Variants in SLC24A2 observed in about 807,000 individuals in gnomAD.
SLC24A2 encodes the protein sodium/potassium/calcium exchanger 2.
A neutral mutation model predicts 62.0 loss-of-function variants in SLC24A2; 36 were observed. The ratio of observed to expected loss-of-function variants is 0.58; its 90% CI spans 0.44 to 0.77. The LOEUF (loss-of-function observed/expected upper bound fraction) is 0.77, where lower values mean the gene tolerates loss of function less well. Among genes scored for constraint, SLC24A2 ranks in the 30% least tolerant of loss-of-function variants. SLC24A2 has a pLI of 0.00. For missense variants in SLC24A2, 846 were observed against 817.9 expected, an observed-to-expected ratio of 1.03 and a Z score of -0.42; for synonymous variants, 358 against 294.0, an observed-to-expected ratio of 1.22 and a Z score of -2.23.
chr9:19,561,891 G>C (rs1334274691), intron 7 of SLC24A2, among the ~76,000 whole-genome samples: 1 of 152,150 alleles, frequency 6.6e-6, no homozygotes, highest in Non-Finnish European at 1.5e-5. Flanking sequence ...CTCAGTAATG[G>C]CCTCCTGAAA....
chr9:19,948,860 A>G, the SLC24A2 span, among the ~76,000 whole-genome samples: 3,851 of 150,812 alleles, frequency 0.026, 171 homozygotes, highest in African/African-American at 0.086. Flanking sequence ...AAAAAAAAAA[A>G]AAAAAATGAA....
the SLC24A2 span, among the ~76,000 whole-genome samples, chr9:20,098,782 T>C: frequency 2.0e-5 from 3 of 152,204 alleles, no homozygotes; most frequent in Non-Finnish European, 4.4e-5. Context: ...AAGGGAAAGA[T>C]ATGGTTAAAT....
the SLC24A2 span, among the ~76,000 whole-genome samples, chr9:19,799,266 G>A: frequency 4.6e-3 from 700 of 151,748 alleles, 3 homozygotes; most frequent in Non-Finnish European, 6.9e-3. Context: ...AAAAGCCCTT[G>A]TCACTTTTAT....
chr9:20,069,518 G>T, the SLC24A2 span, among the ~76,000 whole-genome samples: 2 of 152,128 alleles, frequency 1.3e-5, no homozygotes, highest in African/African-American at 4.8e-5. Flanking sequence ...TACAATGCAG[G>T]TCAACAAACA....
the SLC24A2 span, among the ~76,000 whole-genome samples, chr9:20,202,929 T>A: frequency 6.6e-6 from 1 of 152,224 alleles, no homozygotes; most frequent in African/African-American, 2.4e-5. Flanking sequence ...AACACTCAAA[T>A]GTGTTAAATA....
the SLC24A2 span, among the ~76,000 whole-genome samples, chr9:20,120,331 T>C: frequency 6.6e-6 from 1 of 152,116 alleles, no homozygotes; most frequent in East Asian, 1.9e-4. Flanking sequence ...GTGGCCTGGA[T>C]AAAGAAAATG....
chr9:19,539,450 A>C (rs1351372648), intron 8 of SLC24A2, among the ~76,000 whole-genome samples: 2 of 151,580 alleles, frequency 1.3e-5, no homozygotes, highest in South Asian at 2.1e-4. Context: ...TTCTGCCTTC[A>C]TTTCATTATG....
chr9:20,111,197 G>A, the SLC24A2 span, among the ~76,000 whole-genome samples: 1 of 152,136 alleles, frequency 6.6e-6, no homozygotes, highest in Admixed American at 6.6e-5. Context: ...GCAAATGGGA[G>A]GCACCGGTAG....
the SLC24A2 span, among the ~76,000 whole-genome samples, chr9:19,951,786 C>G: frequency 3.3e-5 from 5 of 152,048 alleles, no homozygotes; most frequent in African/African-American, 1.2e-4. Flanking sequence ...CAAACTTAGT[C>G]TTTCACAAAA....
chr9:19,873,527 CCTTTCTTTCT>C, the SLC24A2 span, among the ~76,000 whole-genome samples: 1 of 127,826 alleles, frequency 7.8e-6, no homozygotes, highest in Non-Finnish European at 1.7e-5. Flanking sequence ...CTCTCTCCTT[CCTTTCTTTCT>C]CTTTCTTTCT....
intron 2 of SLC24A2, among the ~76,000 whole-genome samples, chr9:19,654,163 T>C (rs1451366526): frequency 6.6e-6 from 1 of 152,184 alleles, no homozygotes; most frequent in African/African-American, 2.4e-5. Context: ...TCATATAGGA[T>C]GGAAATCATA....
the SLC24A2 span, among the ~76,000 whole-genome samples, chr9:20,000,484 C>T: frequency 6.6e-6 from 1 of 152,062 alleles, no homozygotes; most frequent in African/African-American, 2.4e-5. Context: ...TAAACTCTAT[C>T]TTCAAAAAGT....
At chr9:20,083,250 C>A in the SLC24A2 span, among the ~76,000 whole-genome samples, 5 of 152,252 alleles carry the variant, frequency 3.3e-5, no homozygotes, top group Admixed American at 3.3e-4. Flanking sequence ...CTCAGCCTAG[C>A]TACTTGCTCT....
At chr9:19,613,752 G>T (rs1817690608) in intron 4 of SLC24A2, among the ~76,000 whole-genome samples, 1 of 152,166 alleles carries the variant, frequency 6.6e-6, no homozygotes, top group Admixed American at 6.5e-5. Flanking sequence ...AGGAGAACAA[G>T]GAATGCTGGG....
rs572916818 is a variant in SLC24A2, at chr9:19,599,221, C to T, written c.1079-1942G>A. On this transcript the variant is annotated intron_variant, in intron 4 of 10. Coordinates refer to ENST00000341998, the MANE Select transcript of SLC24A2 (RefSeq NM_020344.4). The surrounding 1 kb of genome is among the most constrained non-coding windows in gnomAD (Gnocchi z 4.5). ...TTGTTTAATTATCATTTTATTTGTA[C>T]ATAGTTGGAATTGGAACTGTTCATA... Among the ~76,000 whole-genome samples, 2 of 152,266 alleles carry T rather than the reference C, an allele frequency of 1.3e-5. No individual in the cohort carries two copies. Among genetic ancestry groups the T allele is most frequent in the East Asian group, 1.9e-4 (1 of 5,184 alleles).
chr9:19,732,759 G>C (rs1173005142), intron 2 of SLC24A2, among the ~76,000 whole-genome samples: 1 of 152,158 alleles, frequency 6.6e-6, no homozygotes, highest in Non-Finnish European at 1.5e-5. Flanking sequence ...CCATGAAACA[G>C]AGACACTGGC....
intron 7 of SLC24A2, among the ~76,000 whole-genome samples, chr9:19,553,930 T>C (rs1409090206): frequency 6.6e-6 from 1 of 152,180 alleles, no homozygotes; most frequent in Non-Finnish European, 1.5e-5. Flanking sequence ...CTGAATTGTG[T>C]TCCCTCCAAT....
the SLC24A2 span, among the ~76,000 whole-genome samples, chr9:19,874,183 A>C: frequency 3.8e-4 from 56 of 148,280 alleles, no homozygotes; most frequent in South Asian, 0.012. Context: ...AGGTTTAAGC[A>C]ATTCTCTTGC....
the SLC24A2 span, among the ~76,000 whole-genome samples, chr9:20,004,128 C>T: frequency 6.6e-6 from 1 of 152,290 alleles, no homozygotes; most frequent in East Asian, 1.9e-4. Flanking sequence ...GGTATAGACA[C>T]AGACCCCTTC....
Sources: allele counts gnomAD v4.1 joint callset (sites outside exome capture counted in the v4.1 genomes callset), GRCh38; gene constraint gnomAD v4.1.1; non-coding constraint Gnocchi (gnomAD v3.1); transcripts MANE v1.5; gene names NCBI Gene and HGNC (gene_info 2026-07-23, HGNC 2026-07-21).